Variants in DIAPH2 observed in about 807,000 individuals in gnomAD.
DIAPH2 encodes the protein protein diaphanous homolog 2.
Under a neutral mutation model 92.7 loss-of-function variants are expected in DIAPH2, and 35 were observed. That is an observed-to-expected ratio of 0.38 (90% CI 0.29 to 0.50). The LOEUF (loss-of-function observed/expected upper bound fraction) is 0.50, where lower values mean the gene tolerates loss of function less well. Among genes scored for constraint, DIAPH2 ranks in the 20% least tolerant of loss-of-function variants. The pLI is 0.94. For missense variants in DIAPH2, 701 were observed against 819.5 expected (o/e 0.86, Z 1.77); for synonymous variants, 301 against 280.4 (o/e 1.07, Z -0.73).
At chrX:97,467,335 G>T (rs2070521836) in intron 26 of DIAPH2, among the ~76,000 whole-genome samples, 1 of 111,939 alleles carries the variant, frequency 8.9e-6, no homozygotes, top group Non-Finnish European at 1.9e-5. Flanking sequence ...CCTTTTTGTT[G>T]TTGTTCAAAG....
intron 22 of DIAPH2, among the ~76,000 whole-genome samples, chrX:97,204,694 A>G (rs759462835): frequency 8.9e-6 from 1 of 112,129 alleles, no homozygotes; most frequent in South Asian, 3.8e-4. Flanking sequence ...ATGGGAAAAC[A>G]GCCCATGCTC....
intron 1 of DIAPH2, among the ~76,000 whole-genome samples, chrX:96,729,025 CATCA>C (rs1290962068): frequency 8.9e-6 from 1 of 112,176 alleles, no homozygotes; most frequent in African/African-American, 3.2e-5. Flanking sequence ...AGACATGAGA[CATCA>C]ATCAATATGT....
chrX:97,568,094 C>T (rs1287253052), intron 26 of DIAPH2, among the ~76,000 whole-genome samples: 6 of 71,352 alleles, frequency 8.4e-5, no homozygotes, highest in African/African-American at 1.1e-4. Flanking sequence ...CCAGCCTGGG[C>T]GACAGAACGA....
chrX:97,447,061 G>A (rs750625123), intron 26 of DIAPH2, among the ~76,000 whole-genome samples: 1 of 110,681 alleles, frequency 9.0e-6, no homozygotes, highest in Non-Finnish European at 1.9e-5. Context: ...CTAGCCTTGG[G>A]GTGTAAGATT....
intron 4 of DIAPH2, among the ~76,000 whole-genome samples, chrX:96,781,016 A>G (rs2064414191): frequency 9.2e-6 from 1 of 108,432 alleles, no homozygotes; most frequent in Non-Finnish European, 1.9e-5. Context: ...CATGTTGGTC[A>G]AGCTGGTCTC....
chrX:97,386,686 A>G lies in DIAPH2; in HGVS notation c.3145+2642A>G, dbSNP rs548302174. On this transcript the variant is annotated intron_variant, in intron 25 of 26. Coordinates refer to ENST00000324765, the MANE Select transcript of DIAPH2 (RefSeq NM_006729.5). ...CTGTCTCAAAATAAAAAAAAAAAGAAAAGTTCTGAAAGTTAGCTCCTTTAT... is the reference window on the plus strand; with the variant it reads ...CTGTCTCAAAATAAAAAAAAAAAGAGAAGTTCTGAAAGTTAGCTCCTTTAT... Among the ~76,000 whole-genome samples, 27 of 110,008 alleles carry G rather than the reference A, an allele frequency of 2.5e-4. No individual in the cohort carries two copies. The South Asian group carries it at 0.01, about 42-fold the overall frequency.
At chrX:96,886,322 A>G (rs1277952516) in intron 5 of DIAPH2, among the ~76,000 whole-genome samples, 2 of 109,824 alleles carry the variant, frequency 1.8e-5, no homozygotes, top group Non-Finnish European at 3.8e-5. Flanking sequence ...TATTTTATAT[A>G]TGTATATTCA....
chrX:97,244,309 A>G (rs148275796), intron 22 of DIAPH2, among the ~76,000 whole-genome samples: 102 of 112,242 alleles, frequency 9.1e-4, no homozygotes, highest in African/African-American at 3.3e-3. Context: ...TGTGCATAGC[A>G]ATTTGATTAG....
chrX:97,073,174 G>A, intron 18 of DIAPH2, 132 bp downstream of exon 18: 1 of 456,039 alleles, frequency 2.2e-6, no homozygotes, highest in Non-Finnish European at 3.7e-6. Context: ...AAAATCCTGT[G>A]TAAACATGAT....
chrX:96,817,016 A>G (rs771593531), intron 4 of DIAPH2, among the ~76,000 whole-genome samples: 10 of 111,566 alleles, frequency 9.0e-5, no homozygotes, highest in Non-Finnish European at 1.9e-4. Flanking sequence ...TGTGGGAGCT[A>G]AAAAATCAAA....
chrX:97,335,727 A>G (rs1292217204), intron 23 of DIAPH2, among the ~76,000 whole-genome samples: 2 of 111,993 alleles, frequency 1.8e-5, no homozygotes, highest in Non-Finnish European at 3.8e-5. Context: ...TAGACTTACT[A>G]TCATTTAGAT....
At chrX:96,975,413 TCA>T (rs2065954287) in intron 17 of DIAPH2, among the ~76,000 whole-genome samples, 1 of 112,043 alleles carries the variant, frequency 8.9e-6, no homozygotes, top group South Asian at 3.7e-4. Context: ...GATGTCAGTC[TCA>T]GAGTGCACAG....
At chrX:97,324,481 C>A (rs965837482) in intron 23 of DIAPH2, among the ~76,000 whole-genome samples, 9 of 112,213 alleles carry the variant, frequency 8.0e-5, no homozygotes, top group Non-Finnish European at 1.7e-4. Context: ...TAAAATCTAT[C>A]TTTTGCAAAA....
At chrX:97,429,536 A>C in intron 25 of DIAPH2, 114 bp from the exon 26 acceptor site, 1 of 994,797 alleles carries the variant, frequency 1.0e-6, no homozygotes, top group Non-Finnish European at 1.3e-6. Context: ...TAAAACAGAT[A>C]TATGTCTTTA....
At chrX:97,442,479 T>G (rs2070269764) in intron 26 of DIAPH2, among the ~76,000 whole-genome samples, 2 of 112,583 alleles carry the variant, frequency 1.8e-5, no homozygotes, top group Non-Finnish European at 3.7e-5. Flanking sequence ...TTCTAGAAAA[T>G]TAAGTGCTTT....
At chrX:97,111,313 A>G (rs969288608) in intron 20 of DIAPH2, among the ~76,000 whole-genome samples, 2 of 112,243 alleles carry the variant, frequency 1.8e-5, no homozygotes, top group Non-Finnish European at 3.8e-5. Flanking sequence ...GACAGTTTCT[A>G]AATTCAGTCT....
chrX:96,913,464 T>C, intron 7 of DIAPH2, among the ~76,000 whole-genome samples: 1 of 112,014 alleles, frequency 8.9e-6, no homozygotes, highest in Non-Finnish European at 1.9e-5. Context: ...AAAGTTATAC[T>C]TTGCTTCACA....
intron 4 of DIAPH2, among the ~76,000 whole-genome samples, chrX:96,865,831 G>C (rs1289837281): frequency 8.9e-6 from 1 of 112,367 alleles, no homozygotes; most frequent in Non-Finnish European, 1.9e-5. Flanking sequence ...ATTGGATATT[G>C]TTGATGATGA....
chrX:97,407,435 A>G (rs1162493637), intron 25 of DIAPH2, among the ~76,000 whole-genome samples: 2 of 111,790 alleles, frequency 1.8e-5, no homozygotes, highest in Non-Finnish European at 3.8e-5. Flanking sequence ...TTTGGAAGAT[A>G]CCTTACAATT....
Sources: allele counts gnomAD v4.1 joint callset (sites outside exome capture counted in the v4.1 genomes callset), GRCh38; gene constraint gnomAD v4.1.1; transcripts MANE v1.5; gene names NCBI Gene and HGNC (gene_info 2026-07-23, HGNC 2026-07-21).